ITGAX: variants seen among roughly 807,000 people sequenced by gnomAD.
The protein encoded by ITGAX is integrin subunit alpha X, also known as integrin alpha-X.
Under a neutral mutation model 140.2 loss-of-function variants are expected in ITGAX, and 99 were observed. That is an observed-to-expected ratio of 0.71 (90% CI 0.60 to 0.83). The LOEUF is 0.83. Among genes scored for constraint, ITGAX ranks in the 40% least tolerant of loss-of-function variants. ITGAX has a pLI of 0.00. For missense variants in ITGAX, 1,444 were observed against 1,482.0 expected, an observed-to-expected ratio of 0.97 and a Z score of 0.42; for synonymous variants, 631 against 600.4, an observed-to-expected ratio of 1.05 and a Z score of -0.75.
Position 31,371,428 on chromosome 16 carries a change from G to T in ITGAX, c.1936G>T (p.Glu646Ter). 6.2e-7 allele frequency: 1 copy of T among 1,614,148 alleles called. No homozygotes were observed. Among genetic ancestry groups the T allele is most frequent in the Non-Finnish European group, 8.5e-7 (1 of 1,180,020 alleles). ...AFECREQVVS[E>*]QTLVQSNICL... ...TGAGTGTCGGGAGCAGGTGGTCTCTGAGCAGACCCTGGTACAGTCCAACAT... is the reference window on the plus strand; with the variant it reads ...TGAGTGTCGGGAGCAGGTGGTCTCTTAGCAGACCCTGGTACAGTCCAACAT... Residue 646 changes from glutamate (E) to a stop codon, truncating the protein, a stop_gained, in exon 16 of 30, where the codon GAG becomes TAG. Coordinates refer to ENST00000268296, the MANE Select transcript of ITGAX (RefSeq NM_000887.5). LOFTEE classifies it high-confidence loss of function.
chr16:31,380,076 C>G lies in ITGAX; in HGVS notation c.3060+11C>G. The G allele has an allele frequency of 6.2e-7, 1 of 1,613,164 alleles. No individual in the cohort carries two copies. Among genetic ancestry groups the G allele is most frequent in the Admixed American group, 1.7e-5 (1 of 60,012 alleles). ...AAGAATCCCGTGCTGGTGAGGAGGG[C>G]TCTGGGCTGGCCCTCACTGTAGGCC... is the stretch of plus-strand genomic sequence containing the variant. On this transcript the variant is annotated intron_variant, in intron 26 of 29. Transcript: ENST00000268296.
At chr16:31,378,187 TG>T (rs2081037154) in intron 23 of ITGAX, among the ~76,000 whole-genome samples, 1 of 151,236 alleles carries the variant, frequency 6.6e-6, no homozygotes, top group South Asian at 2.1e-4. Context: ...GCCAAGGAAA[TG>T]GGAAAAAAGG....
At chr16:31,380,421 C>G in intron 27 of ITGAX, 42 bp downstream of exon 27, 1 of 1,610,100 alleles carries the variant, frequency 6.2e-7, no homozygotes, top group Non-Finnish European at 8.5e-7. Context: ...CAGACTCAGG[C>G]GGGACCTGGC....
chr16:31,371,156 A>G lies in ITGAX; in HGVS notation c.1783A>G (p.Thr595Ala), dbSNP rs745981196. 1.2e-6 allele frequency: 2 copies of G among 1,613,624 alleles called. No homozygotes were observed. Among genetic ancestry groups the G allele is most frequent in the African/African-American group, 1.3e-5 (1 of 75,012 alleles). The change falls in exon 15 of 30, where the codon ACC (threonine) becomes GCC (alanine). Residue 595 changes from threonine to alanine, a missense_variant. Transcript: ENST00000268296. ...GQALSGGQDL[T>A]QDGLVDLAVG... ...GGCACTGAGCGGGGGTCAAGACCTC[A>G]CCCAGGATGGACTGGTGGACCTGGC...
intron 27 of ITGAX, 57 bp from the exon 28 acceptor site, chr16:31,380,466 A>G (rs2081058380): frequency 6.2e-7 from 1 of 1,612,210 alleles, no homozygotes; most frequent in African/African-American, 1.3e-5. Context: ...GGGCACCCCC[A>G]GAGCTCTGAG....
chr16:31,361,358 T>G, intron 9 of ITGAX, 145 bp downstream of exon 9: 1 of 953,088 alleles, frequency 1.0e-6, no homozygotes, highest in South Asian at 1.6e-5. Context: ...TGTCAGCTTG[T>G]CCCCACTGAC....
At chr16:31,368,650 C>T (rs983078952) in intron 14 of ITGAX, among the ~76,000 whole-genome samples, 5 of 148,778 alleles carry the variant, frequency 3.4e-5, no homozygotes, top group Non-Finnish European at 5.9e-5. Context: ...GGGTGTTTCT[C>T]GCAGAGGGGG....
intron 17 of ITGAX, 138 bp from the exon 18 acceptor site, chr16:31,372,240 C>T (rs771317010): frequency 1.7e-5 from 16 of 940,306 alleles, no homozygotes; most frequent in East Asian, 2.6e-5. Flanking sequence ...CTCCTGAAGG[C>T]GGTGACGCTG....
chr16:31,372,142 C>T (rs1320455775), intron 17 of ITGAX, among the ~76,000 whole-genome samples: 1 of 147,038 alleles, frequency 6.8e-6, no homozygotes, highest in Non-Finnish European at 1.5e-5. Flanking sequence ...GTGGCCAAAA[C>T]AGTCATTGCT....
rs777684730 is a variant in ITGAX at position 31,362,761 on chromosome 16, G to A, written c.1359+8G>A. The stretch of plus-strand genomic sequence containing the variant: ...GAAGTCACGGGGACTCAGGTTGGGC[G>A]TGACAGGAGCCAGAGGGGAGGATGA... On this transcript the variant is annotated splice_region_variant and intron_variant, in intron 12 of 29. Transcript: ENST00000268296. 1.8e-5 allele frequency: 29 copies of A among 1,613,580 alleles called. No individual in the cohort carries two copies. The Admixed American group carries it at 2.2e-4, about 12-fold the overall frequency.
intron 20 of ITGAX, among the ~76,000 whole-genome samples, chr16:31,375,359 C>T (rs2081010664): frequency 6.6e-6 from 1 of 152,214 alleles, no homozygotes; most frequent in South Asian, 2.1e-4. Flanking sequence ...GCCCCCTTTC[C>T]CTCTCACTCT....
At chr16:31,376,073 T>C (rs755567480) in intron 20 of ITGAX, among the ~76,000 whole-genome samples, 35 of 152,188 alleles carry the variant, frequency 2.3e-4, no homozygotes, top group Admixed American at 3.9e-4. Flanking sequence ...GATGAAACAA[T>C]ATGGTGTTTG....
At chr16:31,378,541 A>C (rs1382097693) in intron 23 of ITGAX, among the ~76,000 whole-genome samples, 1 of 151,340 alleles carries the variant, frequency 6.6e-6, no homozygotes, top group Non-Finnish European at 1.5e-5. Context: ...ATCACAGCTC[A>C]CAGCAGCCTT....
intron 29 of ITGAX, among the ~76,000 whole-genome samples, chr16:31,381,347 C>T (rs1490433726): frequency 2.6e-5 from 4 of 152,166 alleles, no homozygotes; most frequent in Admixed American, 6.5e-5. Flanking sequence ...CTGCTCCACT[C>T]TGGGCCTTGA....
chr16:31,360,219 A>G, intron 7 of ITGAX, 91 bp from the exon 8 acceptor site: 1 of 1,520,130 alleles, frequency 6.6e-7, no homozygotes, highest in Non-Finnish European at 8.9e-7. Context: ...GGGGCCTCCC[A>G]AAGGAAAAGG....
intron 14 of ITGAX, among the ~76,000 whole-genome samples, chr16:31,367,965 T>TTC (rs2142505914): frequency 6.6e-6 from 1 of 151,958 alleles, no homozygotes; most frequent in South Asian, 2.1e-4. Flanking sequence ...TTAACACGAG[T>TTC]TCGGGAGAAG....
In ITGAX at chr16:31,379,562, C is replaced by T; in HGVS notation, c.2790-6C>T. 6.4e-7 allele frequency: 1 copy of T among 1,557,952 alleles called. No homozygotes were observed. The highest frequency in any genetic ancestry group is 1.2e-5 in the South Asian group (1 of 84,506). On this transcript the variant is annotated splice_region_variant and splice_polypyrimidine_tract_variant and intron_variant, in intron 23 of 29. Coordinates refer to ENST00000268296, the MANE Select transcript of ITGAX (RefSeq NM_000887.5). ...TCACATCCACTTATGCGTCTTCTCTCTCCAGCCACGAACAATTCACCAAAT... is the reference window on the plus strand; with the variant it reads ...TCACATCCACTTATGCGTCTTCTCTTTCCAGCCACGAACAATTCACCAAAT...
chr16:31,359,273 A>G (rs914732609), intron 5 of ITGAX, among the ~76,000 whole-genome samples: 4 of 152,044 alleles, frequency 2.6e-5, no homozygotes. Context: ...GGTTCAAGCA[A>G]TTCTGCCTCT....
chr16:31,355,787 G>A lies in ITGAX; in HGVS notation c.38-106G>A, dbSNP rs934093593. The A allele has an allele frequency of 3.4e-5, 28 of 823,790 alleles. No individual in the cohort carries two copies. The African/African-American group carries it at 3.7e-4, about 11-fold the overall frequency. The allele number at this position is 823,790 out of a possible 1,614,324, so 51.0% of individuals were successfully genotyped here. A position where few individuals can be genotyped will look rare whatever the true frequency, so the allele number is the denominator to read the frequency against. On this transcript the variant is annotated intron_variant, in intron 1 of 29. Transcript: ENST00000268296. Reference sequence around the variant, plus strand: ...GGTGTCCAGAAGACCCAGGCACCCCGGGCATCAGGCTCGGAGGGGAGATTG... The same window carrying A: ...GGTGTCCAGAAGACCCAGGCACCCCAGGCATCAGGCTCGGAGGGGAGATTG...
Sources: gnomAD v4.1 joint callset for allele counts (sites outside exome capture counted in the v4.1 genomes callset) on GRCh38, gnomAD v4.1.1 for gene constraint, MANE v1.5 for transcripts, NCBI Gene and HGNC (gene_info 2026-07-23, HGNC 2026-07-21) for gene names.